Variants in MYCT1 observed in about 807,000 individuals in gnomAD.
MYCT1 encodes the protein MYC target 1.
A neutral mutation model predicts 15.0 loss-of-function variants in MYCT1; 12 were observed. The ratio of observed to expected loss-of-function variants is 0.80; its 90% CI spans 0.51 to 1.29. The LOEUF (loss-of-function observed/expected upper bound fraction) is 1.29, where lower values mean the gene tolerates loss of function less well. Among genes scored for constraint, MYCT1 ranks in the 50% most tolerant of loss-of-function variants. MYCT1 has a pLI of 0.00. For synonymous variants in MYCT1, 104 were observed against 102.7 expected (o/e 1.01, Z -0.07); for missense variants, 287 against 279.1 (o/e 1.03, Z -0.20).
At chr6:152,720,614 A>C (rs2099724529) in intron 1 of MYCT1, among the ~76,000 whole-genome samples, 1 of 152,202 alleles carries the variant, frequency 6.6e-6, no homozygotes. Context: ...AGCTTGAAGA[A>C]TGAGTTTTCC....
At chr6:152,742,922 A>T in the MYCT1 span, among the ~76,000 whole-genome samples, 1 of 152,208 alleles carries the variant, frequency 6.6e-6, no homozygotes, top group African/African-American at 2.4e-5. Context: ...AAATGCCAAG[A>T]ATAGTCCTTG....
intron 1 of MYCT1, among the ~76,000 whole-genome samples, chr6:152,717,894 C>T (rs1471894084): frequency 6.6e-6 from 1 of 152,006 alleles, no homozygotes; most frequent in Non-Finnish European, 1.5e-5. Context: ...CCGTTGCACC[C>T]CCATCTTATC....
At chr6:152,727,048 A>G (rs2099725784), downstream of MYCT1, among the ~76,000 whole-genome samples, 3 of 152,170 alleles carry the variant, frequency 2.0e-5, no homozygotes, top group South Asian at 6.2e-4. Context: ...TGTCTCTACT[A>G]AAAATAAAGA....
intron 1 of MYCT1, among the ~76,000 whole-genome samples, chr6:152,721,189 A>ATCAG (rs201428948): frequency 0.012 from 1,759 of 152,254 alleles, 14 homozygotes; most frequent in Non-Finnish European, 0.019. Context: ...TATGACATAA[A>ATCAG]TCAGTCAGCT....
At position 152,698,031 on chromosome 6, in the gene MYCT1, A is replaced by C; in HGVS notation, c.129A>C (p.Leu43=). The C allele has an allele frequency of 1.2e-6, 2 of 1,610,332 alleles. No individual in the cohort carries two copies. Among genetic ancestry groups the C allele is most frequent in the Non-Finnish European group, 1.7e-6 (2 of 1,178,686 alleles). The change falls in exon 1 of 2, where the codon CTA becomes CTC. Residue 43 remains leucine (L), a synonymous_variant. Transcript: ENST00000367245. ...VFLSVFLLFL[L]FLVDIMANNT... ...TTTCTGTTTTTCTTCTCTTTCTTCT[A>C]TTTCTTGTGGATATTATGGCTAATA... is the stretch of plus-strand genomic sequence containing the variant.
chr6:152,726,612 C>A, downstream of MYCT1, among the ~76,000 whole-genome samples: 1 of 152,154 alleles, frequency 6.6e-6, no homozygotes, highest in East Asian at 1.9e-4. Context: ...AGCCTATACA[C>A]CAAGACCTGT....
intron 1 of MYCT1, among the ~76,000 whole-genome samples, chr6:152,708,792 T>C (rs1202236552): frequency 6.6e-6 from 1 of 152,090 alleles, no homozygotes; most frequent in Non-Finnish European, 1.5e-5. Flanking sequence ...CTTCAGCACA[T>C]GTTTTAGTGT....
chr6:152,705,927 A>G (rs914238391), intron 1 of MYCT1: 17 of 771,158 alleles, frequency 2.2e-5, no homozygotes, highest in Non-Finnish European at 3.8e-5. Context: ...TGCTATGGTC[A>G]GAGATTTTGT....
chr6:152,731,378 A>G, the MYCT1 span, among the ~76,000 whole-genome samples: 13 of 151,888 alleles, frequency 8.6e-5, no homozygotes, highest in African/African-American at 2.4e-4. Flanking sequence ...GCATTTCTCT[A>G]TTTTTTTTAT....
chr6:152,720,895 T>C (rs1170577421), intron 1 of MYCT1, among the ~76,000 whole-genome samples: 1 of 152,190 alleles, frequency 6.6e-6, no homozygotes, highest in Non-Finnish European at 1.5e-5. Flanking sequence ...CATTCAAGAA[T>C]ATGTATTTAG....
At chr6:152,739,213 A>G in the MYCT1 span, among the ~76,000 whole-genome samples, 1 of 151,760 alleles carries the variant, frequency 6.6e-6, no homozygotes, top group African/African-American at 2.4e-5. Context: ...ACATTATTTT[A>G]TATTGATTGG....
downstream of MYCT1, among the ~76,000 whole-genome samples, chr6:152,725,320 C>G (rs6919166): frequency 0.061 from 9,255 of 152,170 alleles, 436 homozygotes; most frequent in East Asian, 0.17. Flanking sequence ...TGGACCAAAA[C>G]AAGCAATTCA....
chr6:152,727,902 G>C (rs1275531540), downstream of MYCT1, among the ~76,000 whole-genome samples: 1 of 152,120 alleles, frequency 6.6e-6, no homozygotes, highest in African/African-American at 2.4e-5. Flanking sequence ...GGTGGCTCAC[G>C]CCTGTAATCC....
the MYCT1 span, among the ~76,000 whole-genome samples, chr6:152,743,011 G>A: frequency 7.0e-4 from 106 of 152,120 alleles, 1 homozygote; most frequent in African/African-American, 2.2e-3. Context: ...CAGAAAAAGC[G>A]GCTTTCTCTC....
At chr6:152,736,781 A>G in the MYCT1 span, among the ~76,000 whole-genome samples, 1 of 152,112 alleles carries the variant, frequency 6.6e-6, no homozygotes, top group Non-Finnish European at 1.5e-5. Context: ...AAATTTCTGT[A>G]TGACACATTA....
intron 1 of MYCT1, among the ~76,000 whole-genome samples, chr6:152,698,856 TC>T (rs2099720865): frequency 6.6e-6 from 1 of 152,176 alleles, no homozygotes; most frequent in South Asian, 2.1e-4. Flanking sequence ...AGTCCAGTGT[TC>T]CCTGATGTTG....
At chr6:152,738,291 T>A in the MYCT1 span, among the ~76,000 whole-genome samples, 1 of 152,266 alleles carries the variant, frequency 6.6e-6, no homozygotes, top group African/African-American at 2.4e-5. Context: ...TATAGACATA[T>A]GTTTAACATC....
chr6:152,727,556 A>G (rs946193659), downstream of MYCT1, among the ~76,000 whole-genome samples: 1 of 152,254 alleles, frequency 6.6e-6, no homozygotes, highest in African/African-American at 2.4e-5. Flanking sequence ...ATGCTGGAAG[A>G]ACAGATTTAA....
chr6:152,742,896 A>G, the MYCT1 span, among the ~76,000 whole-genome samples: 1 of 152,208 alleles, frequency 6.6e-6, no homozygotes, highest in Non-Finnish European at 1.5e-5. Context: ...AGTGTTTCTC[A>G]TTTCCTTAGT....
Sources: gnomAD v4.1 joint callset for allele counts (sites outside exome capture counted in the v4.1 genomes callset) on GRCh38, gnomAD v4.1.1 for gene constraint, MANE v1.5 for transcripts, NCBI Gene and HGNC (gene_info 2026-07-23, HGNC 2026-07-21) for gene names.